SLC25A31: variants seen among roughly 807,000 people sequenced by gnomAD.
SLC25A31 encodes the protein ADP/ATP translocase 4.
Under a neutral mutation model 36.2 loss-of-function variants are expected in SLC25A31, and 40 were observed. That is an observed-to-expected ratio of 1.10 (90% CI 0.86 to 1.44). The LOEUF (loss-of-function observed/expected upper bound fraction) is 1.44, where lower values mean the gene tolerates loss of function less well. SLC25A31 is among the 40% of genes most tolerant of loss of function. The pLI, the probability that SLC25A31 is intolerant of heterozygous loss-of-function variation, is 0.00. For synonymous variants in SLC25A31, 143 were observed against 149.7 expected (o/e 0.96, Z 0.32); for missense variants, 350 against 397.1 (o/e 0.88, Z 1.01).
chr4:127,761,073 T>G (rs1462810847), intron 2 of SLC25A31, among the ~76,000 whole-genome samples: 2 of 152,200 alleles, frequency 1.3e-5, no homozygotes, highest in African/African-American at 4.8e-5. Context: ...GGACAGGCTT[T>G]GTTACATAAA....
At chr4:127,749,323 GAA>G (rs1178713396) in intron 2 of SLC25A31, among the ~76,000 whole-genome samples, 1 of 152,104 alleles carries the variant, frequency 6.6e-6, no homozygotes, top group African/African-American at 2.4e-5. Context: ...ACACAATGAA[GAA>G]AAAGGGGAAG....
In SLC25A31 at chr4:127,774,119, A is replaced by T. The variant is rs1300905765; in HGVS notation, c.*545A>T. The T allele has an allele frequency of 2.0e-5, 3 of 152,190 alleles. No individual in the cohort carries two copies. Among genetic ancestry groups the T allele is most frequent in the Non-Finnish European group, 4.4e-5 (3 of 68,016 alleles). 9.4% of individuals were successfully genotyped at this position (152,190 alleles called of 1,614,324 possible). The stretch of plus-strand genomic sequence containing the variant: ...TAGATGTGATCATTTAAAATTTGAT[A>T]ATGACTTTAGTGACATTATAAAACT... On this transcript the variant is annotated 3_prime_UTR_variant, in exon 6 of 6. Coordinates refer to ENST00000281154, the MANE Select transcript of SLC25A31 (RefSeq NM_031291.4).
intron 2 of SLC25A31, among the ~76,000 whole-genome samples, chr4:127,745,143 G>C (rs191334644): frequency 3.3e-5 from 5 of 152,068 alleles, no homozygotes; most frequent in African/African-American, 9.7e-5. Context: ...CAACAAGTAC[G>C]TAGTTCCTAT....
chr4:127,745,051 C>T (rs925695102), intron 2 of SLC25A31, among the ~76,000 whole-genome samples: 4 of 152,068 alleles, frequency 2.6e-5, no homozygotes, highest in South Asian at 2.1e-4. Context: ...AAATATTACA[C>T]TTAATGTAAT....
chr4:127,770,206 A>G (rs1281315777), intron 5 of SLC25A31, among the ~76,000 whole-genome samples: 2 of 152,184 alleles, frequency 1.3e-5, no homozygotes, highest in East Asian at 3.8e-4. Flanking sequence ...ACATTGAGAA[A>G]CTTTTTAAAA....
At chr4:127,759,214 T>TG (rs1429623706) in intron 2 of SLC25A31, among the ~76,000 whole-genome samples, 1 of 142,158 alleles carries the variant, frequency 7.0e-6, no homozygotes, top group African/African-American at 2.5e-5. Context: ...TTCCTATGGT[T>TG]TTTTTTTTTT....
intron 1 of SLC25A31, among the ~76,000 whole-genome samples, chr4:127,744,462 T>C (rs1341527470): frequency 1.3e-5 from 2 of 152,226 alleles, no homozygotes; most frequent in Admixed American, 1.3e-4. Flanking sequence ...CAAAGCTCTT[T>C]ATTTGAAATT....
chr4:127,735,883 TATTTA>T (rs1458290627), intron 1 of SLC25A31, among the ~76,000 whole-genome samples: 4 of 71,590 alleles, frequency 5.6e-5, no homozygotes, highest in South Asian at 6.1e-4. Context: ...TTTATTTATT[TATTTA>T]TTTATTTATT....
chr4:127,769,850 G>A (rs991864813), intron 5 of SLC25A31, among the ~76,000 whole-genome samples: 5 of 152,210 alleles, frequency 3.3e-5, no homozygotes, highest in Non-Finnish European at 5.9e-5. Context: ...GGGGAAAATC[G>A]TACACAGAAA....
chr4:127,731,072 G>A lies in SLC25A31; in HGVS notation c.232+295G>A, dbSNP rs4834214. 0.6 allele frequency among the ~76,000 whole-genome samples: 91,580 copies of A among 152,066 alleles called. 28,014 individuals carry two copies. Among genetic ancestry groups the A allele is most frequent in the Middle Eastern group, 0.72 (211 of 294 alleles). ...TGCACCTGTGCCAGGTCCAGAAGGA[G>A]AGTGGTTGACCTCCCAGGATTGAGG... On this transcript the variant is annotated intron_variant, in intron 1 of 5. Coordinates refer to ENST00000281154, the MANE Select transcript of SLC25A31 (RefSeq NM_031291.4).
chr4:127,764,884 G>A (rs74934275), intron 3 of SLC25A31, among the ~76,000 whole-genome samples: 1 of 152,092 alleles, frequency 6.6e-6, no homozygotes, highest in Non-Finnish European at 1.5e-5. Context: ...AAAAGGGTAA[G>A]ACATATATGA....
At chr4:127,752,167 C>T (rs1484669375) in intron 2 of SLC25A31, among the ~76,000 whole-genome samples, 1 of 152,118 alleles carries the variant, frequency 6.6e-6, no homozygotes, top group Non-Finnish European at 1.5e-5. Context: ...TTGGAACCAA[C>T]CCAAATGTCC....
chr4:127,743,937 CA>C lies in SLC25A31; in HGVS notation c.233-733del. On this transcript the variant is annotated intron_variant, in intron 1 of 5. Transcript: ENST00000281154. Reference sequence around the variant, plus strand: ...AGAACAGCAAGGCCAAAGCATTTTACAATTTGTAATCGAGTGAAAACAACCA... The same window carrying C: ...AGAACAGCAAGGCCAAAGCATTTTACATTTGTAATCGAGTGAAAACAACCA... Among the ~76,000 whole-genome samples, 5 of 152,290 alleles carry C rather than the reference CA, an allele frequency of 3.3e-5. 1 individual carries two copies. In the Middle Eastern group the frequency reaches 0.01, roughly 311 times the overall value.
chr4:127,747,243 C>T (rs577401353), intron 2 of SLC25A31, among the ~76,000 whole-genome samples: 8 of 151,812 alleles, frequency 5.3e-5, no homozygotes, highest in South Asian at 4.2e-4. Flanking sequence ...TTTGGCTATT[C>T]GGGCTCTTTT....
At chr4:127,735,828 G>A (rs1731614623) in intron 1 of SLC25A31, among the ~76,000 whole-genome samples, 1 of 140,284 alleles carries the variant, frequency 7.1e-6, no homozygotes, top group Non-Finnish European at 1.5e-5. Flanking sequence ...AAAAAATGTT[G>A]GTTTAGACTG....
At chr4:127,760,924 A>G (rs1248282706) in intron 2 of SLC25A31, among the ~76,000 whole-genome samples, 3 of 152,234 alleles carry the variant, frequency 2.0e-5, no homozygotes, top group Admixed American at 2.0e-4. Context: ...CTGTAGTCCC[A>G]GCACTCCAGC....
chr4:127,750,813 T>C (rs2148758309), intron 2 of SLC25A31, among the ~76,000 whole-genome samples: 1 of 151,686 alleles, frequency 6.6e-6, no homozygotes, highest in South Asian at 2.1e-4. Context: ...CAACAAATTA[T>C]GAAGGAAGAC....
At chr4:127,739,840 T>G (rs993174300) in intron 1 of SLC25A31, among the ~76,000 whole-genome samples, 3 of 151,994 alleles carry the variant, frequency 2.0e-5, no homozygotes, top group Non-Finnish European at 2.9e-5. Flanking sequence ...GCTCTGCATT[T>G]CTTTCTTCTG....
intron 3 of SLC25A31, among the ~76,000 whole-genome samples, chr4:127,766,140 GT>G (rs1004287967): frequency 1.3e-4 from 15 of 112,748 alleles, no homozygotes; most frequent in African/African-American, 5.3e-4. Flanking sequence ...CAGTCCTGGA[GT>G]TTTTTTATTT....
Sources: allele counts gnomAD v4.1 joint callset (sites outside exome capture counted in the v4.1 genomes callset), GRCh38; gene constraint gnomAD v4.1.1; transcripts MANE v1.5; gene names NCBI Gene and HGNC (gene_info 2026-07-23, HGNC 2026-07-21).